Variants in PFKP observed in about 807,000 individuals in gnomAD.
The protein encoded by PFKP is phosphofructokinase, platelet, also known as ATP-dependent 6-phosphofructokinase, platelet type.
In PFKP, 101 loss-of-function variants were observed where a neutral mutation model predicts 94.3. The observed-to-expected ratio is 1.07, with a 90% CI of 0.91 to 1.26. The LOEUF is 1.26. Among genes scored for constraint, PFKP ranks in the 50% most tolerant of loss-of-function variants. The pLI, the probability that PFKP is intolerant of heterozygous loss-of-function variation, is 0.00. For synonymous variants in PFKP, 573 were observed against 432.6 expected, an observed-to-expected ratio of 1.32 and a Z score of -4.03; for missense variants, 1,145 against 1,103.3, an observed-to-expected ratio of 1.04 and a Z score of -0.53.
chr10:3,068,678 C>T, intron 1 of PFKP: 27 of 984,724 alleles, frequency 2.7e-5, no homozygotes, highest in Non-Finnish European at 3.3e-5. Flanking sequence ...CCCCAGGCCC[C>T]GGGTGCACGT....
chr10:3,113,844 G>C (rs1032671552), intron 13 of PFKP, among the ~76,000 whole-genome samples: 1 of 152,018 alleles, frequency 6.6e-6, no homozygotes, highest in Non-Finnish European at 1.5e-5. Context: ...TGTTTAAACC[G>C]GGCACTGGAG....
intron 2 of PFKP, among the ~76,000 whole-genome samples, chr10:3,083,335 G>A (rs1833236458): frequency 1.3e-5 from 2 of 152,276 alleles, no homozygotes; most frequent in South Asian, 4.1e-4. Flanking sequence ...TATTTGAAAG[G>A]AAGGCACCAA....
At chr10:3,074,659 G>A (rs115923692) in intron 1 of PFKP, among the ~76,000 whole-genome samples, 2,027 of 152,314 alleles carry the variant, frequency 0.013, 54 homozygotes, top group African/African-American at 0.041. Flanking sequence ...GCACTCAGCT[G>A]TTACAGCTGG....
intron 16 of PFKP, among the ~76,000 whole-genome samples, chr10:3,122,054 C>G (rs1231245967): frequency 7.1e-6 from 1 of 141,678 alleles, no homozygotes; most frequent in East Asian, 2.1e-4. Flanking sequence ...AACGTCTGGG[C>G]TCAAGCAATC....
chr10:3,084,754 C>G (rs1021608841), intron 2 of PFKP, among the ~76,000 whole-genome samples: 1 of 147,140 alleles, frequency 6.8e-6, no homozygotes, highest in African/African-American at 2.6e-5. Flanking sequence ...TCCTCCAGCC[C>G]CTCCCCAGGA....
rs148383366 is a variant in PFKP, at chr10:3,103,773, G to A, written c.455-6G>A. 2.0e-4 allele frequency: 325 copies of A among 1,613,750 alleles called. 1 individual carries two copies. In the African/African-American group the frequency reaches 2.9e-3, roughly 14 times the overall value. ...CGATGAGACGTGCTGTTTGCTCCCC[G>A]CGCAGGCCAGATCGATAAGGAGGCC... On this transcript the variant is annotated splice_region_variant and splice_polypyrimidine_tract_variant and intron_variant, in intron 4 of 21. Coordinates refer to ENST00000381125, the MANE Select transcript of PFKP (RefSeq NM_002627.5).
At chr10:3,090,387 A>G (rs1833949352) in intron 2 of PFKP, among the ~76,000 whole-genome samples, 1 of 152,194 alleles carries the variant, frequency 6.6e-6, no homozygotes, top group Non-Finnish European at 1.5e-5. Flanking sequence ...TCCCTGGTAG[A>G]AAGGACTTGG....
intron 21 of PFKP, 82 bp downstream of exon 21, chr10:3,135,920 C>CA (rs1006472072): frequency 2.0e-4 from 166 of 829,760 alleles, no homozygotes; most frequent in Admixed American, 3.1e-4. Flanking sequence ...TTGCTGTCGG[C>CA]AACTCATTCA....
chr10:3,136,316 C>T, intron 21 of PFKP, 134 bp from the exon 22 acceptor site: 1 of 792,672 alleles, frequency 1.3e-6, no homozygotes, highest in Non-Finnish European at 2.0e-6. Context: ...CTGAAATTGG[C>T]TTTATCATCT....
At chr10:3,075,010 C>A (rs1270521927) in intron 1 of PFKP, among the ~76,000 whole-genome samples, 1 of 152,170 alleles carries the variant, frequency 6.6e-6, no homozygotes, top group African/African-American at 2.4e-5. Flanking sequence ...CTACAGATAT[C>A]AAATTAACTA....
intron 16 of PFKP, among the ~76,000 whole-genome samples, chr10:3,127,509 T>G (rs562615531): frequency 9.8e-5 from 15 of 152,338 alleles, no homozygotes; most frequent in Middle Eastern, 3.4e-3. Flanking sequence ...TTTGTGCCTC[T>G]GGGGGTCCTG....
At chr10:3,120,124 G>A (rs766076730) in intron 16 of PFKP, 80 bp downstream of exon 16, 338 of 1,092,998 alleles carry the variant, frequency 3.1e-4, no homozygotes, top group Non-Finnish European at 4.4e-4. Context: ...CTACCAGTGC[G>A]CTAGAAATAG....
intron 2 of PFKP, among the ~76,000 whole-genome samples, chr10:3,092,138 T>A (rs1244511528): frequency 6.6e-6 from 1 of 151,570 alleles, no homozygotes; most frequent in Non-Finnish European, 1.5e-5. Context: ...AGGGTCTCCA[T>A]CTCCCCATGG....
At chr10:3,067,769 C>A (rs1316085882) in intron 1 of PFKP, 62 bp downstream of exon 1, 3 of 832,108 alleles carry the variant, frequency 3.6e-6, no homozygotes, top group South Asian at 4.4e-5. Flanking sequence ...GAGAACCGGG[C>A]GAAGGCGATG....
intron 2 of PFKP, among the ~76,000 whole-genome samples, chr10:3,098,801 G>T (rs1369881262): frequency 6.6e-6 from 1 of 151,980 alleles, no homozygotes; most frequent in African/African-American, 2.4e-5. Context: ...TTATTATTCA[G>T]CTGTGCTGTT....
Position 3,133,189 on chromosome 10 carries a change from C to A in PFKP, c.1911-14C>A. 1.9e-6 allele frequency: 3 copies of A among 1,601,524 alleles called. No individual in the cohort carries two copies. The highest frequency in any genetic ancestry group is 2.2e-5 in the East Asian group (1 of 44,786). On this transcript the variant is annotated splice_polypyrimidine_tract_variant and intron_variant, in intron 18 of 21. Coordinates refer to ENST00000381125, the MANE Select transcript of PFKP (RefSeq NM_002627.5). ...TGCACGCTAAACAAAGTGACTCCTT[C>A]TCGCTCGTTTCAGAAATGAGAGCTG...
At position 3,135,830 on chromosome 10, in the gene PFKP, G is replaced by A. The variant is rs61731936; in HGVS notation, c.2217G>A (p.Thr739=). The A allele has an allele frequency of 1.5e-4, 239 of 1,607,984 alleles. No individual in the cohort carries two copies. The highest frequency in any genetic ancestry group is 8.9e-4 in the African/African-American group (67 of 74,922). ...CTGTGGCAGAGCTGAAGAAGCAAAC[G>A]GATTTTGAGTAAGTTGGCTGGGTTC... is the stretch of plus-strand genomic sequence containing the variant. The part of the protein sequence containing the change: ...FQPVAELKKQ[T]DFEHRIPKEQ... The change falls in exon 21 of 22, where the codon ACG becomes ACA. Residue 739 remains threonine (T), a synonymous_variant. Coordinates refer to ENST00000381125, the MANE Select transcript of PFKP (RefSeq NM_002627.5).
chr10:3,093,886 G>A (rs532233674), intron 2 of PFKP, among the ~76,000 whole-genome samples: 271 of 152,120 alleles, frequency 1.8e-3, no homozygotes, highest in African/African-American at 5.0e-3. Flanking sequence ...CTTGTGATCC[G>A]CCCGCCTTGG....
At chr10:3,079,669 G>T (rs149090841) in intron 1 of PFKP, among the ~76,000 whole-genome samples, 14 of 117,480 alleles carry the variant, frequency 1.2e-4, no homozygotes, top group African/African-American at 3.1e-4. Context: ...GGGTGGGGGG[G>T]GGGGGAAGAG....
Sources: gnomAD v4.1 joint callset for allele counts (sites outside exome capture counted in the v4.1 genomes callset) on GRCh38, gnomAD v4.1.1 for gene constraint, MANE v1.5 for transcripts, NCBI Gene and HGNC (gene_info 2026-07-23, HGNC 2026-07-21) for gene names.